The following GRM3 variants were observed in gnomAD, a reference collection of about 807,000 sequenced individuals.
GRM3 encodes the protein glutamate metabotropic receptor 3.
A neutral mutation model predicts 70.5 loss-of-function variants in GRM3; 26 were observed. That is an observed-to-expected ratio of 0.37 (90% confidence interval 0.27 to 0.51). GRM3 has a LOEUF of 0.51. Among genes scored for constraint, GRM3 ranks in the 20% least tolerant of loss-of-function variants. The pLI is 0.93. For synonymous variants in GRM3, 443 were observed against 434.9 expected (o/e 1.02, Z -0.23); for missense variants, 859 against 1,123.8 (o/e 0.76, Z 3.37).
At chr7:86,717,879 T>C (rs991981811) in intron 1 of GRM3, among the ~76,000 whole-genome samples, 7 of 151,922 alleles carry the variant, frequency 4.6e-5, no homozygotes, top group African/African-American at 1.7e-4. Context: ...GAAAAAGTCA[T>C]TGTGAAACAT....
intron 3 of GRM3, among the ~76,000 whole-genome samples, chr7:86,791,398 C>G (rs946910062): frequency 6.6e-6 from 1 of 152,048 alleles, no homozygotes; most frequent in African/African-American, 2.4e-5. Flanking sequence ...TACCTAAGTA[C>G]TCTCTTTTAG....
chr7:86,861,749 C>T (rs1205995548), intron 5 of GRM3, among the ~76,000 whole-genome samples: 2 of 152,258 alleles, frequency 1.3e-5, no homozygotes, highest in Admixed American at 6.5e-5. Flanking sequence ...GTCCAAATTA[C>T]GATGGGATTT....
chr7:86,775,152 G>A (rs1417613513), intron 2 of GRM3: 1 of 151,980 alleles, frequency 6.6e-6, no homozygotes, highest in Non-Finnish European at 1.5e-5. Context: ...TAAAGTTTTT[G>A]TGTTATCTTT....
At chr7:86,822,909 T>G (rs531446005) in intron 3 of GRM3, among the ~76,000 whole-genome samples, 16 of 152,206 alleles carry the variant, frequency 1.1e-4, no homozygotes, top group Non-Finnish European at 1.9e-4. Flanking sequence ...TTAATCCAGC[T>G]TGTTATATTG....
intron 1 of GRM3, among the ~76,000 whole-genome samples, chr7:86,678,229 A>G (rs1000171835): frequency 3.9e-5 from 6 of 152,036 alleles, no homozygotes; most frequent in African/African-American, 1.2e-4. Context: ...TTTAGTAAAT[A>G]TATCTTTCAT....
intron 1 of GRM3, among the ~76,000 whole-genome samples, chr7:86,733,879 G>A (rs527877610): frequency 5.9e-5 from 9 of 152,324 alleles, no homozygotes; most frequent in African/African-American, 1.4e-4. Context: ...GGCTCCAAGC[G>A]AAGCACGAGC....
intron 2 of GRM3, among the ~76,000 whole-genome samples, chr7:86,769,017 G>T (rs1796674679): frequency 6.6e-6 from 1 of 152,124 alleles, no homozygotes; most frequent in Non-Finnish European, 1.5e-5. Flanking sequence ...AATATAGTCA[G>T]TGGTAATCCA....
chr7:86,825,766 G>T (rs1320929720), intron 3 of GRM3, among the ~76,000 whole-genome samples: 1 of 152,136 alleles, frequency 6.6e-6, no homozygotes, highest in Non-Finnish European at 1.5e-5. Context: ...GGGAAAGCTC[G>T]TTTTATTAAG....
At chr7:86,770,904 G>T (rs549368346) in intron 2 of GRM3, among the ~76,000 whole-genome samples, 4 of 152,134 alleles carry the variant, frequency 2.6e-5, no homozygotes, top group Admixed American at 1.3e-4. Flanking sequence ...TGGATATAAG[G>T]CTGTCCTGTA....
At chr7:86,793,891 A>G (rs1246918164) in intron 3 of GRM3, among the ~76,000 whole-genome samples, 1 of 152,100 alleles carries the variant, frequency 6.6e-6, no homozygotes, top group Admixed American at 6.5e-5. Context: ...TGTGAGGCAG[A>G]AAAAAGTAAT....
At chr7:86,768,719 A>G (rs745333968) in intron 2 of GRM3, among the ~76,000 whole-genome samples, 17 of 152,122 alleles carry the variant, frequency 1.1e-4, no homozygotes, top group Non-Finnish European at 2.5e-4. Flanking sequence ...ATGAATAAGA[A>G]GGAACAAGAG....
chr7:86,666,523 C>T (rs1046008127), intron 1 of GRM3, among the ~76,000 whole-genome samples: 3 of 152,012 alleles, frequency 2.0e-5, no homozygotes, highest in Admixed American at 2.0e-4. Context: ...GTAGCTATCC[C>T]TCTCTGGAAG....
At chr7:86,800,972 C>G (rs941289843) in intron 3 of GRM3, among the ~76,000 whole-genome samples, 5 of 151,160 alleles carry the variant, frequency 3.3e-5, no homozygotes, top group Non-Finnish European at 7.4e-5. Flanking sequence ...TTAAATTGCA[C>G]TTTGAGACAA....
chr7:86,766,682 G>A (rs1453842305), intron 2 of GRM3, among the ~76,000 whole-genome samples: 2 of 152,006 alleles, frequency 1.3e-5, no homozygotes, highest in Non-Finnish European at 2.9e-5. Context: ...ATATTTATAT[G>A]TTACTTTAAG....
In GRM3 at chr7:86,828,068, T is replaced by C. The variant is rs1160572527; in HGVS notation, c.1325-10771T>C. 3.7e-5 allele frequency among the ~76,000 whole-genome samples: 5 copies of C among 135,776 alleles called. No homozygotes were observed. In the South Asian group the frequency reaches 9.0e-4, roughly 24 times the overall value. The allele number at this position is 135,776 out of a possible 152,430, so 89.1% of individuals were successfully genotyped here. ...CAGAGCTTGCAGTGAGCCGAGATCG[T>C]GCCACTGCACTACAGCCTGGGCGAC... On this transcript the variant is annotated intron_variant, in intron 3 of 5. Coordinates refer to ENST00000361669, the MANE Select transcript of GRM3 (RefSeq NM_000840.3).
At chr7:86,856,771 T>C (rs1320203003) in intron 5 of GRM3, among the ~76,000 whole-genome samples, 1 of 152,178 alleles carries the variant, frequency 6.6e-6, no homozygotes, top group Non-Finnish European at 1.5e-5. Flanking sequence ...ACTTTCATTG[T>C]GTTTGTCTCA....
At chr7:86,793,262 A>G (rs1159595918) in intron 3 of GRM3, among the ~76,000 whole-genome samples, 1 of 152,172 alleles carries the variant, frequency 6.6e-6, no homozygotes, top group Non-Finnish European at 1.5e-5. Context: ...CAGGCCAGGA[A>G]GGGCAGATTT....
At chr7:86,647,303 G>A (rs541716561) in intron 1 of GRM3, among the ~76,000 whole-genome samples, 24 of 152,184 alleles carry the variant, frequency 1.6e-4, no homozygotes, top group African/African-American at 4.6e-4. Context: ...GTGATCAGTC[G>A]CAAAATGAAG....
At chr7:86,690,936 A>G (rs1301658187) in intron 1 of GRM3, among the ~76,000 whole-genome samples, 1 of 152,138 alleles carries the variant, frequency 6.6e-6, no homozygotes, top group African/African-American at 2.4e-5. Context: ...TTGTTGCAAA[A>G]ATAAACATCT....
Sources: allele counts gnomAD v4.1 joint callset (sites outside exome capture counted in the v4.1 genomes callset), GRCh38; gene constraint gnomAD v4.1.1; transcripts MANE v1.5; gene names NCBI Gene and HGNC (gene_info 2026-07-23, HGNC 2026-07-21).